LARP6: variants seen among roughly 807,000 people sequenced by gnomAD.
The protein encoded by LARP6 is La ribonucleoprotein 6, translational regulator, also known as la-related protein 6.
LARP6 carries 18 observed loss-of-function variants against 32.8 expected under a neutral mutation model. The observed-to-expected ratio is 0.55, with a 90% CI of 0.38 to 0.81. LARP6 has a LOEUF of 0.81. Ranked by LOEUF, LARP6 falls within the 40% of genes least tolerant of loss-of-function variation. LARP6 has a pLI of 0.00. For synonymous variants in LARP6, 289 were observed against 267.2 expected (o/e 1.08, Z -0.80); for missense variants, 598 against 663.1 (o/e 0.90, Z 1.08).
chr15:70,852,807 G>A (rs10083645), intron 1 of LARP6, among the ~76,000 whole-genome samples: 14,171 of 152,230 alleles, frequency 0.093, 772 homozygotes, highest in African/African-American at 0.12. Context: ...GGGTCCAGAA[G>A]TCTGACCCTT....
chr15:70,833,235 T>A, intron 2 of LARP6, 119 bp from the exon 3 acceptor site: 1 of 771,164 alleles, frequency 1.3e-6, no homozygotes, highest in Non-Finnish European at 2.1e-6. Context: ...TGTATTCTAG[T>A]GTCTAGAATC....
chr15:70,839,919 T>A (rs1436795167), intron 1 of LARP6, among the ~76,000 whole-genome samples: 2 of 152,246 alleles, frequency 1.3e-5, no homozygotes, highest in Admixed American at 6.5e-5. Flanking sequence ...CCAAGAGAAT[T>A]GGCTTGGCCT....
intron 2 of LARP6, among the ~76,000 whole-genome samples, chr15:70,836,066 G>C (rs1169425068): frequency 6.6e-6 from 1 of 152,138 alleles, no homozygotes; most frequent in Non-Finnish European, 1.5e-5. Flanking sequence ...TTTCATAACT[G>C]CTGCCAGCTG....
intron 1 of LARP6, among the ~76,000 whole-genome samples, chr15:70,842,836 T>C (rs2032281325): frequency 6.6e-6 from 1 of 152,124 alleles, no homozygotes; most frequent in African/African-American, 2.4e-5. Context: ...AGAGGTGAGC[T>C]TCTTGTGCTT....
intron 1 of LARP6, among the ~76,000 whole-genome samples, chr15:70,837,255 T>C (rs761300344): frequency 3.2e-4 from 49 of 151,886 alleles, no homozygotes; most frequent in Non-Finnish European, 6.6e-4. Flanking sequence ...TGGTGGTGCA[T>C]GCCAATAGTC....
chr15:70,835,987 A>G (rs2032140380), intron 2 of LARP6, among the ~76,000 whole-genome samples: 1 of 152,180 alleles, frequency 6.6e-6, no homozygotes, highest in South Asian at 2.1e-4. Context: ...CTGTCCTGGT[A>G]TCACATCCTC....
chr15:70,853,989 C>A lies in LARP6; in HGVS notation c.100G>T (p.Glu34Ter). Residue 34 changes from glutamate to a stop codon, truncating the protein, a stop_gained, in exon 1 of 3, where the codon GAG (glutamate) becomes TAG (stop). Transcript: ENST00000299213. LOFTEE classifies it high-confidence loss of function. ...EAEDVDELEDEEEGAETRGAG... is the reference protein window; with the variant it reads ...EAEDVDELED ...CCCCGAGTCTCCGCCCCCTCCTCCTCGTCCTCCAACTCGTCCACGTCCTCG... is the reference window on the plus strand; with the variant it reads ...CCCCGAGTCTCCGCCCCCTCCTCCTAGTCCTCCAACTCGTCCACGTCCTCG... 2 of 1,465,176 alleles carry A rather than the reference C, an allele frequency of 1.4e-6. No homozygotes were observed. The highest frequency in any genetic ancestry group is 9.1e-7 in the Non-Finnish European group (1 of 1,103,358). The allele number at this position is 1,465,176 out of a possible 1,614,324, so 90.8% of individuals were successfully genotyped here.
At chr15:70,847,482 G>A (rs1347321097) in intron 1 of LARP6, among the ~76,000 whole-genome samples, 1 of 151,800 alleles carries the variant, frequency 6.6e-6, no homozygotes, top group African/African-American at 2.4e-5. Context: ...CGATTCTCCC[G>A]CCTCAGCCTC....
chr15:70,851,476 T>G, intron 1 of LARP6: 2 of 1,354,970 alleles, frequency 1.5e-6, no homozygotes, highest in East Asian at 5.2e-5. Flanking sequence ...TTCTGTTCCC[T>G]TATATAAGCT....
At chr15:70,843,751 G>A (rs990672911) in intron 1 of LARP6, among the ~76,000 whole-genome samples, 1 of 145,872 alleles carries the variant, frequency 6.9e-6, no homozygotes, top group Non-Finnish European at 1.5e-5. Flanking sequence ...TGCCTCCTGG[G>A]TTTAAATGAT....
chr15:70,832,960 C>G lies in LARP6; in HGVS notation c.568G>C (p.Asp190His). ...CACAGCTTAGGAGACAAGTAGAGAT[C>G]ATAGACCAGGAGCATCTTGCTGGGG... Reference protein sequence around the residue: ...NLPSKMLLVYDLYLSPKLWAL... With the variant: ...NLPSKMLLVYHLYLSPKLWAL... The change falls in exon 3 of 3, where the codon GAT becomes CAT. Residue 190 changes from aspartate to histidine, a missense_variant. Transcript: ENST00000299213. 6.2e-7 allele frequency: 1 copy of G among 1,609,622 alleles called. No individual in the cohort carries two copies. Among genetic ancestry groups the G allele is most frequent in the Non-Finnish European group, 8.5e-7 (1 of 1,177,716 alleles).
chr15:70,840,164 T>C (rs1368414628), intron 1 of LARP6, among the ~76,000 whole-genome samples: 1 of 152,004 alleles, frequency 6.6e-6, no homozygotes, highest in African/African-American at 2.4e-5. Flanking sequence ...GGACAACCAA[T>C]AGGATGAAAA....
chr15:70,833,132 C>G lies in LARP6; in HGVS notation c.412-16G>C, dbSNP rs773422965. 16 of 1,604,020 alleles carry G rather than the reference C, an allele frequency of 1.0e-5. No homozygotes were observed. The highest frequency in any genetic ancestry group is 3.3e-4 in the Middle Eastern group (2 of 6,044). On this transcript the variant is annotated splice_polypyrimidine_tract_variant and intron_variant, in intron 2 of 2. Coordinates refer to ENST00000299213, the MANE Select transcript of LARP6 (RefSeq NM_018357.4). ...GATGTTTCACCTGCAGAACATAAAG[C>G]AAATCTGAAATAGTATCTAATGTCC...
At chr15:70,833,675 T>C (rs2032096585) in intron 2 of LARP6, among the ~76,000 whole-genome samples, 1 of 152,260 alleles carries the variant, frequency 6.6e-6, no homozygotes, top group African/African-American at 2.4e-5. Flanking sequence ...TGTGCTATCA[T>C]TACTTCCAAT....
At chr15:70,843,952 G>A (rs1212902671) in intron 1 of LARP6, among the ~76,000 whole-genome samples, 1 of 142,622 alleles carries the variant, frequency 7.0e-6, no homozygotes, top group Admixed American at 7.2e-5. Flanking sequence ...AACCGCGCCC[G>A]ACCTTTTTTT....
intron 1 of LARP6, among the ~76,000 whole-genome samples, chr15:70,837,544 T>C (rs550008734): frequency 1.3e-5 from 2 of 152,332 alleles, no homozygotes; most frequent in South Asian, 2.1e-4. Flanking sequence ...CAGAGTTACT[T>C]GACCTTTCGG....
chr15:70,849,966 C>CA (rs2032419857), intron 1 of LARP6, among the ~76,000 whole-genome samples: 1 of 151,724 alleles, frequency 6.6e-6, no homozygotes, highest in Non-Finnish European at 1.5e-5. Flanking sequence ...AATAAGTGTA[C>CA]AAAAAATGTG....
chr15:70,853,560 GAA>G (rs2032547732), intron 1 of LARP6: 1 of 202,906 alleles, frequency 4.9e-6, no homozygotes, highest in Non-Finnish European at 9.9e-6. Flanking sequence ...AGCCCACAGA[GAA>G]GAGGCCTCCT....
intron 1 of LARP6, among the ~76,000 whole-genome samples, chr15:70,846,740 G>A (rs78435891): frequency 0.015 from 2,347 of 151,718 alleles, 58 homozygotes; most frequent in African/African-American, 0.055. Flanking sequence ...TATTTCCATC[G>A]GTTTCCTTTC....
Sources: gnomAD v4.1 joint callset for allele counts (sites outside exome capture counted in the v4.1 genomes callset) on GRCh38, gnomAD v4.1.1 for gene constraint, MANE v1.5 for transcripts, NCBI Gene and HGNC (gene_info 2026-07-23, HGNC 2026-07-21) for gene names.